The following MAPK13 variants were observed in gnomAD, a reference collection of about 807,000 sequenced individuals.
MAPK13 encodes mitogen-activated protein kinase 13.
In MAPK13, 39 loss-of-function variants were observed where a neutral mutation model predicts 53.5. The observed-to-expected ratio is 0.73, with a 90% CI of 0.56 to 0.95. MAPK13 has a LOEUF of 0.95. Ranked by LOEUF, MAPK13 falls within the 40% of genes least tolerant of loss-of-function variation. The pLI, the probability that MAPK13 is intolerant of heterozygous loss-of-function variation, is 0.00. For missense variants in MAPK13, 460 were observed against 471.8 expected, an observed-to-expected ratio of 0.98 and a Z score of 0.23; for synonymous variants, 179 against 190.9, an observed-to-expected ratio of 0.94 and a Z score of 0.51.
In MAPK13 at chr6:36,130,952, G is replaced by C. The variant is rs1172760211; in HGVS notation, c.119+251G>C. On this transcript the variant is annotated intron_variant, in intron 1 of 11. Transcript: ENST00000211287. This position sits in a 1 kb window ranked among gnomAD's most constrained non-coding sequence, Gnocchi z 4.5. Reference sequence around the variant, plus strand: ...CACTTGCAAGACCCCAGAGTTCATCGGGCAGATCCTCACTGTTACAGACGA... The same window carrying C: ...CACTTGCAAGACCCCAGAGTTCATCCGGCAGATCCTCACTGTTACAGACGA... 2 of 511,016 alleles carry C rather than the reference G, an allele frequency of 3.9e-6. No homozygotes were observed. Among genetic ancestry groups the C allele is most frequent in the Admixed American group, 3.6e-5 (1 of 27,494 alleles). 31.7% of individuals were successfully genotyped at this position (511,016 alleles called of 1,614,324 possible).
Position 36,130,720 on chromosome 6 carries a change from T to TGGGGGC in MAPK13, c.119+24_119+25insCGGGGG, listed in dbSNP as rs146539855. ...CCGTGTGGTGAGACCCCTGGGCCGC[T>TGGGGGC]GGGGGGCGGGGGGCGGGCGCCAGGC... On this transcript the variant is annotated intron_variant, in intron 1 of 11. Transcript: ENST00000211287. The surrounding 1 kb of genome is among the most constrained non-coding windows in gnomAD (Gnocchi z 4.5). The TGGGGGC allele has an allele frequency of 2.7e-5, 18 of 669,508 alleles. No individual in the cohort carries two copies. The highest frequency in any genetic ancestry group is 3.8e-5 in the Non-Finnish European group (16 of 415,906). The allele number at this position is 669,508 out of a possible 1,614,324, so 41.5% of individuals were successfully genotyped here.
At position 36,140,666 on chromosome 6, in the gene MAPK13, C is replaced by A. The variant is rs1581888934; in HGVS notation, c.*1293C>A. 1.3e-5 allele frequency: 2 copies of A among 152,686 alleles called. No individual in the cohort carries two copies. The highest frequency in any genetic ancestry group is 3.8e-4 in the East Asian group (2 of 5,198). 9.5% of individuals were successfully genotyped at this position (152,686 alleles called of 1,614,324 possible). A position where few individuals can be genotyped will look rare whatever the true frequency, so the allele number is the denominator to read the frequency against. ...AGACATTTAGTGGATTTCAGTCATA[C>A]TTGATTTGTTGGGAGGCCTAAATCA... On this transcript the variant is annotated 3_prime_UTR_variant, in exon 12 of 12. Transcript: ENST00000211287.
rs559595861 is a variant in MAPK13 at position 36,139,370 on chromosome 6, G to A, written c.1095G>A (p.Leu365=). 11 of 1,613,996 alleles carry A rather than the reference G, an allele frequency of 6.8e-6. No homozygotes were observed. The East Asian group carries it at 2.5e-4, about 36-fold the overall frequency. The change falls in exon 12 of 12, where the codon CTG becomes CTA. Residue 365 remains leucine (L), a synonymous_variant. Transcript: ENST00000211287. ...CACGGCGCCGGAGTGGCATGAAGCT[G>A]TAGGGACTCATCTTGCATGGCACCG... ...KDSRRRSGMK[L]
At chr6:36,139,142 CCCTACCTGCCACCT>C in intron 11 of MAPK13, 87 bp downstream of exon 11, 1 of 1,445,848 alleles carries the variant, frequency 6.9e-7, no homozygotes, top group Non-Finnish European at 9.4e-7. Context: ...CCTCTGCCAG[CCCTACCTGCCACCT>C]CCTTCTTGGT....
At chr6:36,137,649 C>CAAAAAAA (rs71540139) in intron 8 of MAPK13, among the ~76,000 whole-genome samples, 14 of 120,176 alleles carry the variant, frequency 1.2e-4, no homozygotes, top group South Asian at 3.0e-4. Flanking sequence ...GACCCTAACT[C>CAAAAAAA]AAAAAAAAAA....
chr6:36,137,099 G>C (rs1163383664), intron 8 of MAPK13, 149 bp downstream of exon 8: 3 of 705,564 alleles, frequency 4.3e-6, no homozygotes, highest in Admixed American at 5.3e-5. Context: ...GCTGGACGCA[G>C]TGGTTCATGC....
rs756346015 is a variant in MAPK13 at position 36,139,027 on chromosome 6, C to G, written c.990C>G (p.His330Gln). 3.1e-6 allele frequency: 5 copies of G among 1,607,512 alleles called. No individual in the cohort carries two copies. In the East Asian group the frequency reaches 8.9e-5, roughly 29 times the overall value. The change falls in exon 11 of 12, where the codon CAC (histidine) becomes CAG (glutamine). Residue 330 changes from histidine to glutamine, a missense_variant. His to Gln is a conservative substitution (Grantham distance 24, BLOSUM62 0). Coordinates refer to ENST00000211287, the MANE Select transcript of MAPK13 (RefSeq NM_002754.5). Reference sequence around the variant, plus strand: ...AGCCGTTTGATGATTCCTTAGAACACGAGAAACTCACAGTGGATGAATGGA... The same window carrying G: ...AGCCGTTTGATGATTCCTTAGAACAGGAGAAACTCACAGTGGATGAATGGA... ...AQQPFDDSLE[H>Q]EKLTVDEWKQ... is the part of the protein sequence containing the mutation.
intron 11 of MAPK13, 75 bp downstream of exon 11, chr6:36,139,130 G>T (rs1026779878): frequency 2.7e-5 from 40 of 1,490,826 alleles, no homozygotes; most frequent in Non-Finnish European, 3.5e-5. Flanking sequence ...CTTTGTGCCT[G>T]GCCTCTGCCA....
Position 36,140,116 on chromosome 6 carries a change from C to G in MAPK13, c.*743C>G, listed in dbSNP as rs963622214. 6.6e-6 allele frequency: 1 copy of G among 152,238 alleles called. No homozygotes were observed. Among genetic ancestry groups the G allele is most frequent in the African/African-American group, 2.4e-5 (1 of 41,456 alleles). The allele number at this position is 152,238 out of a possible 1,614,324, so 9.4% of individuals were successfully genotyped here. The stretch of plus-strand genomic sequence containing the variant: ...ACTACAGACAGCTGGGAGGGAGGGG[C>G]CCCTTCCTGGGCCCCGTGCTGAGGC... On this transcript the variant is annotated 3_prime_UTR_variant, in exon 12 of 12. Coordinates refer to ENST00000211287, the MANE Select transcript of MAPK13 (RefSeq NM_002754.5).
At chr6:36,134,335 C>T (rs1244801900) in intron 3 of MAPK13, among the ~76,000 whole-genome samples, 1 of 151,882 alleles carries the variant, frequency 6.6e-6, no homozygotes, top group African/African-American at 2.4e-5. Flanking sequence ...ACAACAACAA[C>T]AACAACAAAA....
At chr6:36,131,426 G>A in intron 2 of MAPK13, 26 bp downstream of exon 2, 2 of 1,602,956 alleles carry the variant, frequency 1.2e-6, no homozygotes, top group South Asian at 2.2e-5. Context: ...CCCGGGGAGG[G>A]GGTGGGGGCT....
At position 36,136,963 on chromosome 6, in the gene MAPK13, G is replaced by A; in HGVS notation, c.682+13G>A. On this transcript the variant is annotated intron_variant, in intron 8 of 11. Transcript: ENST00000211287. ...AAGGGGAAAGATTGTATCCTTTGCT[G>A]GAAAAGCCAAACTCCATCTAGGGAT... 1.2e-6 allele frequency: 2 copies of A among 1,611,600 alleles called. No homozygotes were observed. The highest frequency in any genetic ancestry group is 1.7e-6 in the Non-Finnish European group (2 of 1,178,776).
At position 36,136,510 on chromosome 6, in the gene MAPK13, G is replaced by A; in HGVS notation, c.474G>A (p.Val158=). 1 of 1,604,014 alleles carries A rather than the reference G, an allele frequency of 6.2e-7. No individual in the cohort carries two copies. Among genetic ancestry groups the A allele is most frequent in the Non-Finnish European group, 8.5e-7 (1 of 1,175,286 alleles). The change falls in exon 6 of 12, where the codon GTG becomes GTA. Residue 158 remains valine (V), a synonymous_variant. Transcript: ENST00000211287. ...HRDLKPGNLA[V]NEDCELKILD... is the part of the protein sequence containing the mutation. ...ACCTGAAGCCAGGCAACCTGGCTGTGAATGAGGACTGTGAACTGAAGGTGA... is the reference window on the plus strand; with the variant it reads ...ACCTGAAGCCAGGCAACCTGGCTGTAAATGAGGACTGTGAACTGAAGGTGA...
intron 2 of MAPK13, 143 bp downstream of exon 2, chr6:36,131,543 G>T: frequency 1.2e-6 from 1 of 815,116 alleles, no homozygotes; most frequent in Non-Finnish European, 1.9e-6. Flanking sequence ...ACTATTGAAA[G>T]GAGGGGGTGC....
Position 36,139,508 on chromosome 6 carries a change from G to A in MAPK13, c.*135G>A. On this transcript the variant is annotated 3_prime_UTR_variant, in exon 12 of 12. Transcript: ENST00000211287. ...GGTCCTTCTCCTTATGTGGGAAATGGGCCTAGTAGATGCAGAATTCAAAGA... is the reference window on the plus strand; with the variant it reads ...GGTCCTTCTCCTTATGTGGGAAATGAGCCTAGTAGATGCAGAATTCAAAGA... The A allele has an allele frequency of 1.5e-6, 1 of 678,706 alleles. No individual in the cohort carries two copies. Among genetic ancestry groups the A allele is most frequent in the South Asian group, 1.7e-5 (1 of 57,704 alleles). The allele number at this position is 678,706 out of a possible 1,614,324, so 42.0% of individuals were successfully genotyped here.
At chr6:36,132,705 G>C (rs779232304) in intron 3 of MAPK13, 26 bp downstream of exon 3, 10 of 1,614,006 alleles carry the variant, frequency 6.2e-6, no homozygotes, top group Non-Finnish European at 8.5e-6. Context: ...CTGGGTTCTG[G>C]GGCATTTGCA....
At position 36,136,028 on chromosome 6, in the gene MAPK13, T is replaced by G; in HGVS notation, c.427T>G (p.Ser143Ala). The G allele has an allele frequency of 2.5e-6, 4 of 1,613,996 alleles. No individual in the cohort carries two copies. Among genetic ancestry groups the G allele is most frequent in the Non-Finnish European group, 3.4e-6 (4 of 1,179,966 alleles). The change falls in exon 5 of 12, where the codon TCT becomes GCT. Residue 143 changes from serine to alanine, a missense_variant. Transcript: ENST00000211287. Reference sequence around the variant, plus strand: ...TCTCTCTCCCACATAGTACATCCACTCTGCTGGGGTCGTGCACAGGGTGAG... The same window carrying G: ...TCTCTCTCCCACATAGTACATCCACGCTGCTGGGGTCGTGCACAGGGTGAG... ...QMLKGLKYIHSAGVVHRDLKP... is the reference protein window; with the variant it reads ...QMLKGLKYIHAAGVVHRDLKP...
intron 8 of MAPK13, among the ~76,000 whole-genome samples, chr6:36,137,819 G>A (rs975205215): frequency 1.0e-4 from 15 of 150,540 alleles, no homozygotes; most frequent in East Asian, 4.0e-4. Flanking sequence ...AAAATTAGCC[G>A]GGTGTGGTTC....
intron 3 of MAPK13, among the ~76,000 whole-genome samples, chr6:36,134,444 G>A (rs1766376100): frequency 6.6e-6 from 1 of 152,218 alleles, no homozygotes; most frequent in South Asian, 2.1e-4. Context: ...CCAGACTGGA[G>A]TGCAGTGGCA....
Sources: allele counts gnomAD v4.1 joint callset (sites outside exome capture counted in the v4.1 genomes callset), GRCh38; gene constraint gnomAD v4.1.1; non-coding constraint Gnocchi (gnomAD v3.1); transcripts MANE v1.5; gene names NCBI Gene and HGNC (gene_info 2026-07-23, HGNC 2026-07-21).